Variants in OPHN1 observed in about 807,000 individuals in gnomAD.
OPHN1 encodes oligophrenin 1.
In OPHN1, 11 loss-of-function variants were observed where a neutral mutation model predicts 60.7. That is an observed-to-expected ratio of 0.18 (90% confidence interval 0.11 to 0.30). The LOEUF (loss-of-function observed/expected upper bound fraction) is 0.30. Among genes scored for constraint, OPHN1 ranks in the 10% least tolerant of loss-of-function variants. The probability of loss-of-function intolerance (pLI) is 1.00; values close to 1 mark genes in which losing one functional copy is unlikely to be tolerated. For missense variants in OPHN1, 449 were observed against 611.0 expected, an observed-to-expected ratio of 0.73 and a Z score of 2.80; for synonymous variants, 226 against 222.6, an observed-to-expected ratio of 1.02 and a Z score of -0.14.
At chrX:68,389,289 C>T (rs2078641004) in intron 2 of OPHN1, among the ~76,000 whole-genome samples, 1 of 108,830 alleles carries the variant, frequency 9.2e-6, no homozygotes, top group Non-Finnish European at 1.9e-5. Flanking sequence ...AAAAATGGGC[C>T]AGGCACGGTG....
intron 6 of OPHN1, among the ~76,000 whole-genome samples, chrX:68,226,445 G>C (rs1290922551): frequency 1.8e-5 from 2 of 110,993 alleles, no homozygotes; most frequent in African/African-American, 3.3e-5. Context: ...CACCAAAGTT[G>C]AAATGAAGGA....
At chrX:68,133,573 C>G (rs1014494747) in intron 15 of OPHN1, 1 of 389,605 alleles carries the variant, frequency 2.6e-6, no homozygotes, top group African/African-American at 2.5e-5. Context: ...TTCTGTAGGT[C>G]CATTTTATAC....
intron 2 of OPHN1, among the ~76,000 whole-genome samples, chrX:68,335,348 T>A (rs187640878): frequency 1.3e-3 from 141 of 111,844 alleles, no homozygotes; most frequent in Non-Finnish European, 2.3e-3. Context: ...CATGGAGAGA[T>A]AGAGTTTGTT....
At chrX:68,132,821 C>T (rs926007408) in intron 15 of OPHN1, 3 of 223,525 alleles carry the variant, frequency 1.3e-5, no homozygotes, top group East Asian at 9.6e-5. Context: ...GAGCTTGGGC[C>T]GCACTTACCC....
rs1332757219 is a variant in OPHN1 at position 68,407,225 on chromosome X, T to G, written c.154+25642A>C. Among the ~76,000 whole-genome samples the G allele has an allele frequency of 2.7e-5, 3 of 111,757 alleles. No individual in the cohort carries two copies. In the East Asian group the frequency reaches 8.4e-4, roughly 31 times the overall value. On this transcript the variant is annotated intron_variant, in intron 2 of 24. Transcript: ENST00000355520. ...GTCTCAAAATAAATAAATAAATAAA[T>G]ACATACATACATAAAATAAAGTAGT...
In OPHN1 at chrX:68,317,463, G is replaced by GAAC. The variant is rs1226556224; in HGVS notation, c.155-18368_155-18367insGTT. Among the ~76,000 whole-genome samples, 7 of 93,065 alleles carry GAAC rather than the reference G, an allele frequency of 7.5e-5. No homozygotes were observed. The East Asian group carries it at 2.4e-3, about 31-fold the overall frequency. The allele number at this position is 93,065 out of a possible 115,157, so 80.8% of individuals were successfully genotyped here. On this transcript the variant is annotated intron_variant, in intron 2 of 24. Coordinates refer to ENST00000355520, the MANE Select transcript of OPHN1 (RefSeq NM_002547.3). ...GAAAAGAAAAAGAGAAGAAGAAGAA[G>GAAC]AGGAGGAGGAGGAGGAAGGGAGAGA...
At chrX:68,264,848 C>T (rs1452767147) in intron 5 of OPHN1, among the ~76,000 whole-genome samples, 9 of 112,508 alleles carry the variant, frequency 8.0e-5, no homozygotes, top group African/African-American at 1.3e-4. Flanking sequence ...GCTTTTCCAA[C>T]GGTCTTAGCA....
In OPHN1 at chrX:68,070,596, C is replaced by T. The variant is rs1851909263; in HGVS notation, c.1834+2556G>A. 2.4e-5 allele frequency: 16 copies of T among 667,195 alleles called. No individual in the cohort carries two copies. In the South Asian group the frequency reaches 3.4e-4, roughly 14 times the overall value. The allele number at this position is 667,195 out of a possible 1,213,427, so 55.0% of individuals were successfully genotyped here. On this transcript the variant is annotated intron_variant, in intron 20 of 24. Coordinates refer to ENST00000355520, the MANE Select transcript of OPHN1 (RefSeq NM_002547.3). ...CTCTAAACTGGCACCACCCGTAGTG[C>T]TCACATGTCTGATTTTATCCTCTGT...
chrX:68,083,487 G>A (rs964185473), intron 19 of OPHN1, among the ~76,000 whole-genome samples: 1 of 112,097 alleles, frequency 8.9e-6, no homozygotes, highest in Non-Finnish European at 1.9e-5. Context: ...GGAATGTTGT[G>A]GCTGGTTTGA....
intron 15 of OPHN1, among the ~76,000 whole-genome samples, chrX:68,181,763 G>A (rs1303780509): frequency 1.8e-5 from 2 of 111,980 alleles, no homozygotes; most frequent in Non-Finnish European, 3.8e-5. Flanking sequence ...GGGAGGCAGA[G>A]GTTGCAGTGA....
At chrX:68,396,838 A>C (rs762590031) in intron 2 of OPHN1, among the ~76,000 whole-genome samples, 95 of 111,159 alleles carry the variant, frequency 8.5e-4, no homozygotes, top group Non-Finnish European at 1.0e-3. Flanking sequence ...TAAAAATAAA[A>C]ACTAATGAGT....
chrX:68,330,593 G>A (rs897174183), intron 2 of OPHN1, among the ~76,000 whole-genome samples: 8 of 109,726 alleles, frequency 7.3e-5, no homozygotes, highest in South Asian at 3.9e-4. Flanking sequence ...GAGCCCAGGC[G>A]TTCGAGCCCA....
intron 5 of OPHN1, among the ~76,000 whole-genome samples, chrX:68,262,358 A>G (rs1400279286): frequency 2.7e-5 from 3 of 112,488 alleles, no homozygotes; most frequent in Non-Finnish European, 5.6e-5. Flanking sequence ...AAATATGTCT[A>G]TGCATATATC....
intron 6 of OPHN1, among the ~76,000 whole-genome samples, chrX:68,226,193 A>C (rs2077691176): frequency 8.9e-6 from 1 of 111,893 alleles, no homozygotes. Context: ...AAGAATAAAA[A>C]GAAACGAGCA....
At chrX:68,368,004 G>C (rs1386036947) in intron 2 of OPHN1, among the ~76,000 whole-genome samples, 2 of 111,909 alleles carry the variant, frequency 1.8e-5, no homozygotes, top group South Asian at 7.5e-4. Context: ...GTTCAAACTA[G>C]TCTGGAGGCT....
intron 2 of OPHN1, among the ~76,000 whole-genome samples, chrX:68,408,989 C>T (rs2147775731): frequency 8.9e-6 from 1 of 112,730 alleles, no homozygotes; most frequent in South Asian, 3.6e-4. Flanking sequence ...TAATTAGCAA[C>T]TAATCCATGG....
intron 2 of OPHN1, among the ~76,000 whole-genome samples, chrX:68,317,640 AAAAAG>A (rs2078215092): frequency 1.1e-5 from 1 of 90,469 alleles, no homozygotes; most frequent in Non-Finnish European, 2.1e-5. Flanking sequence ...AAAAGAAAAG[AAAAAG>A]AAGAAGAAGA....
chrX:68,428,696 G>C (rs1375478844), intron 2 of OPHN1, among the ~76,000 whole-genome samples: 1 of 111,855 alleles, frequency 8.9e-6, no homozygotes, highest in Non-Finnish European at 1.9e-5. Context: ...TATGAGCAGG[G>C]GCCACATCAC....
At chrX:68,194,357 C>T in intron 13 of OPHN1, 108 bp downstream of exon 13, 1 of 657,699 alleles carries the variant, frequency 1.5e-6, no homozygotes, top group South Asian at 2.2e-5. Flanking sequence ...CAAAGGCATC[C>T]ATATTCAGAC....
Sources: allele counts gnomAD v4.1 joint callset (sites outside exome capture counted in the v4.1 genomes callset), GRCh38; gene constraint gnomAD v4.1.1; transcripts MANE v1.5; gene names NCBI Gene and HGNC (gene_info 2026-07-23, HGNC 2026-07-21).